UHMK1: variants seen among roughly 807,000 people sequenced by gnomAD.
UHMK1 encodes U2AF homology motif kinase 1, also known as serine/threonine-protein kinase Kist.
Under a neutral mutation model 44.0 loss-of-function variants are expected in UHMK1, and 18 were observed. That is an observed-to-expected ratio of 0.41 (90% confidence interval 0.28 to 0.61). UHMK1 has a LOEUF of 0.61. Among genes scored for constraint, UHMK1 ranks in the 20% least tolerant of loss-of-function variants. The pLI, the probability that UHMK1 is intolerant of heterozygous loss-of-function variation, is 0.31. For synonymous variants in UHMK1, 231 were observed against 198.5 expected, an observed-to-expected ratio of 1.16 and a Z score of -1.38; for missense variants, 463 against 522.5, an observed-to-expected ratio of 0.89 and a Z score of 1.11.
intron 4 of UHMK1, among the ~76,000 whole-genome samples, chr1:162,507,587 TTTTTTC>T (rs999392918): frequency 5.4e-5 from 8 of 147,504 alleles, no homozygotes; most frequent in Non-Finnish European, 7.6e-5. Flanking sequence ...CTTTCTTTTT[TTTTTTC>T]TTTTTTTTTG....
intron 4 of UHMK1, among the ~76,000 whole-genome samples, chr1:162,510,295 A>G (rs1405132348): frequency 3.9e-5 from 6 of 152,202 alleles, no homozygotes; most frequent in African/African-American, 1.4e-4. Flanking sequence ...GTTGTGCAGT[A>G]GATCTCTTGA....
intron 7 of UHMK1, among the ~76,000 whole-genome samples, chr1:162,518,424 T>G (rs1248829122): frequency 6.6e-6 from 1 of 151,892 alleles, no homozygotes; most frequent in Non-Finnish European, 1.5e-5. Flanking sequence ...TGGCTGGGTG[T>G]GGTGGTTACG....
chr1:162,525,804 T>G lies in UHMK1; in HGVS notation c.*3254T>G, dbSNP rs1652225212. ...CTGGCTGCTTTTAGAACAAAAACCATAAGTATGGTTTTACTCGAACTTCTC... is the reference window on the plus strand; with the variant it reads ...CTGGCTGCTTTTAGAACAAAAACCAGAAGTATGGTTTTACTCGAACTTCTC... On this transcript the variant is annotated 3_prime_UTR_variant, in exon 8 of 8. Transcript: ENST00000489294. The G allele has an allele frequency of 6.6e-6, 1 of 152,178 alleles. No individual in the cohort carries two copies. The highest frequency in any genetic ancestry group is 1.5e-5 in the Non-Finnish European group (1 of 68,016). 9.4% of individuals were successfully genotyped at this position (152,178 alleles called of 1,614,324 possible). A position where few individuals can be genotyped will look rare whatever the true frequency, so the allele number is the denominator to read the frequency against.
intron 4 of UHMK1, 46 bp from the exon 5 acceptor site, chr1:162,512,453 TC>T (rs1312139325): frequency 3.6e-5 from 55 of 1,510,084 alleles, no homozygotes; most frequent in Non-Finnish European, 4.9e-5. Context: ...GGTTGCATTT[TC>T]AAAAGATTCA....
intron 7 of UHMK1, among the ~76,000 whole-genome samples, chr1:162,521,620 G>A (rs9803819): frequency 2.6e-3 from 393 of 152,234 alleles, no homozygotes; most frequent in African/African-American, 8.8e-3. Context: ...ATCACGCCCA[G>A]TTAGATTTTG....
Position 162,518,137 on chromosome 1 carries a change from T to C in UHMK1, c.1060T>C (p.Tyr354His), listed in dbSNP as rs777199874. The change falls in exon 7 of 8, where the codon TAT becomes CAT. Residue 354 changes from tyrosine (Y) to histidine (H), a missense_variant. This residue lies in a region of UHMK1 where 264 missense variants were observed against 326.3 expected (regional missense o/e 0.81). Transcript: ENST00000489294. ...VEDVKEECQK[Y>H]GPVVSLLVPK... ...AGATGTAAAAGAGGAGTGTCAAAAA[T>C]ATGGACCAGTGGTATCTCTACTTGT... The C allele has an allele frequency of 1.2e-6, 2 of 1,613,378 alleles. No homozygotes were observed. Among genetic ancestry groups the C allele is most frequent in the South Asian group, 1.1e-5 (1 of 91,056 alleles).
rs1336689998 is a variant in UHMK1 at position 162,522,868 on chromosome 1, A to T, written c.*318A>T. The stretch of plus-strand genomic sequence containing the variant: ...TTATTTCATGGATCATGAAGCAAGG[A>T]TGAATAATATCATGTCTTGGTAAAT... On this transcript the variant is annotated 3_prime_UTR_variant, in exon 8 of 8. Transcript: ENST00000489294. The T allele has an allele frequency of 9.9e-6, 2 of 202,888 alleles. No individual in the cohort carries two copies. The highest frequency in any genetic ancestry group is 2.3e-4 in the East Asian group (2 of 8,632). The allele number at this position is 202,888 out of a possible 1,614,324, so 12.6% of individuals were successfully genotyped here.
chr1:162,515,542 A>G (rs1651804577), intron 6 of UHMK1, among the ~76,000 whole-genome samples: 1 of 148,948 alleles, frequency 6.7e-6, no homozygotes, highest in African/African-American at 2.5e-5. Flanking sequence ...GACCATTTTA[A>G]GAGTCTTGAG....
chr1:162,508,430 T>C (rs1651552791), intron 4 of UHMK1, among the ~76,000 whole-genome samples: 1 of 150,404 alleles, frequency 6.6e-6, no homozygotes, highest in South Asian at 2.1e-4. Flanking sequence ...CATTTTGAAA[T>C]GGTAGGCTCA....
At chr1:162,513,986 A>C (rs1651752985) in intron 6 of UHMK1, among the ~76,000 whole-genome samples, 1 of 152,242 alleles carries the variant, frequency 6.6e-6, no homozygotes, top group Non-Finnish European at 1.5e-5. Flanking sequence ...CCTGTATTTT[A>C]GTAGGGACAT....
At chr1:162,500,523 G>T in intron 2 of UHMK1, 1 of 426,008 alleles carries the variant, frequency 2.3e-6, no homozygotes, top group Non-Finnish European at 4.2e-6. Context: ...TAAATTTTAT[G>T]CGTGTTTGGC....
intron 6 of UHMK1, 66 bp downstream of exon 6, chr1:162,512,889 T>G (rs978456605): frequency 3.5e-6 from 5 of 1,410,062 alleles, no homozygotes; most frequent in Non-Finnish European, 5.0e-6. Context: ...AACATATCCG[T>G]AACATTTTCA....
intron 4 of UHMK1, among the ~76,000 whole-genome samples, chr1:162,506,893 T>C (rs1651490135): frequency 6.6e-6 from 1 of 152,128 alleles, no homozygotes; most frequent in Non-Finnish European, 1.5e-5. Context: ...CTTGGTCTTC[T>C]TGTCTAGATG....
At chr1:162,498,370 AAGCGGGTTT>A in intron 1 of UHMK1, 102 bp downstream of exon 1, 2 of 1,409,912 alleles carry the variant, frequency 1.4e-6, no homozygotes, top group Non-Finnish European at 1.9e-6. Context: ...TCTGCGGGAG[AAGCGGGTTT>A]AGCCCTCTTT....
chr1:162,510,713 T>G (rs181650837), intron 4 of UHMK1, among the ~76,000 whole-genome samples: 1 of 152,284 alleles, frequency 6.6e-6, no homozygotes, highest in Admixed American at 6.5e-5. Flanking sequence ...CACTTATCTG[T>G]TAATAGATAC....
intron 4 of UHMK1, among the ~76,000 whole-genome samples, chr1:162,508,164 G>A (rs982114665): frequency 6.6e-6 from 1 of 151,928 alleles, no homozygotes; most frequent in South Asian, 2.1e-4. Context: ...CACCCAGGCT[G>A]GAGTGCAGTG....
rs149685129 is a variant in UHMK1, at chr1:162,503,377, C to T, written c.754-377C>T. Among the ~76,000 whole-genome samples the T allele has an allele frequency of 5.9e-5, 9 of 152,014 alleles. No homozygotes were observed. The East Asian group carries it at 9.7e-4, about 16-fold the overall frequency. ...ATAGTCCCAGCACTTTGGGAGGCCA[C>T]GGTGGGCAGATCACTTGAGCCCAAG... On this transcript the variant is annotated intron_variant, in intron 3 of 7. Transcript: ENST00000489294.
In UHMK1 at chr1:162,499,959, T is replaced by C; in HGVS notation, c.273T>C (p.Thr91=). The C allele has an allele frequency of 6.2e-7, 1 of 1,613,820 alleles. No individual in the cohort carries two copies. Among genetic ancestry groups the C allele is most frequent in the South Asian group, 1.1e-5 (1 of 91,022 alleles). Residue 91 remains threonine, a synonymous_variant, in exon 2 of 8, where the codon ACT becomes ACC. Coordinates refer to ENST00000489294, the MANE Select transcript of UHMK1 (RefSeq NM_175866.5). Reference sequence around the variant, plus strand: ...TATTATAATTTCTTTTTCTAGTGACTTTGTATGGAGTGTTTACAATCCACT... The same window carrying C: ...TATTATAATTTCTTTTTCTAGTGACCTTGTATGGAGTGTTTACAATCCACT... ...EQLQGHRNIV[T]LYGVFTIHFS... is the part of the protein sequence containing the mutation.
At chr1:162,503,331 TG>T (rs1651346593) in intron 3 of UHMK1, among the ~76,000 whole-genome samples, 2 of 151,866 alleles carry the variant, frequency 1.3e-5, no homozygotes, top group Non-Finnish European at 1.5e-5. Flanking sequence ...AGGCTCTTGC[TG>T]GGCACGATGG....
Sources: allele counts gnomAD v4.1 joint callset (sites outside exome capture counted in the v4.1 genomes callset), GRCh38; gene constraint gnomAD v4.1.1; regional missense constraint gnomAD v4.1.1; transcripts MANE v1.5; gene names NCBI Gene and HGNC (gene_info 2026-07-23, HGNC 2026-07-21).